The following CEP83 variants were observed in gnomAD, a reference collection of about 807,000 sequenced individuals.
CEP83 encodes centrosomal protein 83, also known as centrosomal protein of 83 kDa.
In CEP83, 70 loss-of-function variants were observed where a neutral mutation model predicts 101.9. That is an observed-to-expected ratio of 0.69 (90% CI 0.57 to 0.84). The LOEUF is 0.84. CEP83 is among the 40% of genes least tolerant of loss of function. CEP83 has a pLI of 0.00. For missense variants in CEP83, 715 were observed against 787.2 expected (o/e 0.91, Z 1.10); for synonymous variants, 264 against 267.9 (o/e 0.99, Z 0.14).
chr12:94,433,161 A>G (rs1486314996), intron 2 of CEP83, among the ~76,000 whole-genome samples: 1 of 152,226 alleles, frequency 6.6e-6, no homozygotes, highest in East Asian at 1.9e-4. Context: ...AATTTATTCC[A>G]TGGTCTTGGA....
chr12:94,445,402 A>G (rs1365544569), intron 1 of CEP83, among the ~76,000 whole-genome samples: 1 of 152,220 alleles, frequency 6.6e-6, no homozygotes, highest in African/African-American at 2.4e-5. Context: ...AATACAGGAG[A>G]AAATCATTTT....
intron 1 of CEP83, among the ~76,000 whole-genome samples, chr12:94,456,994 CTATG>C (rs1217715540): frequency 1.3e-5 from 2 of 151,934 alleles, no homozygotes; most frequent in Non-Finnish European, 2.9e-5. Context: ...CATACTATTC[CTATG>C]TATGTATGTA....
Position 94,312,784 on chromosome 12 carries a change from A to T in CEP83, c.1811+130T>A, listed in dbSNP as rs1970072991. 5 of 1,276,410 alleles carry T rather than the reference A, an allele frequency of 3.9e-6. No homozygotes were observed. The South Asian group carries it at 1.1e-4, about 28-fold the overall frequency. 79.1% of individuals were successfully genotyped at this position (1,276,410 alleles called of 1,614,324 possible). ...GGTAAAAAAAGGATAGTACATTAGG[A>T]GTTATCAAGCTGTTTTAGAAATCTT... On this transcript the variant is annotated intron_variant, in intron 15 of 16. Transcript: ENST00000397809.
At chr12:94,300,809 CA>C in the CEP83 span, 6 of 1,100,648 alleles carry the variant, frequency 5.5e-6, no homozygotes, top group Non-Finnish European at 7.8e-6. Flanking sequence ...TTGTATACTT[CA>C]ATAACAAGGA....
At chr12:94,297,185 T>TG in the CEP83 span, 1 of 1,613,936 alleles carries the variant, frequency 6.2e-7, no homozygotes, top group South Asian at 1.1e-5. Flanking sequence ...TCTCTGGCAT[T>TG]CAGATGTGGA....
the CEP83 span, among the ~76,000 whole-genome samples, chr12:94,287,723 G>T: frequency 6.6e-6 from 1 of 152,222 alleles, no homozygotes; most frequent in East Asian, 1.9e-4. Flanking sequence ...AGTAAGGTCA[G>T]CAATGCTTCT....
At chr12:94,399,264 A>C (rs1411200371) in intron 6 of CEP83, among the ~76,000 whole-genome samples, 1 of 152,166 alleles carries the variant, frequency 6.6e-6, no homozygotes, top group African/African-American at 2.4e-5. Flanking sequence ...CGGCACCCCC[A>C]GGGGCCGAGC....
At chr12:94,272,952 C>T in the CEP83 span, among the ~76,000 whole-genome samples, 2 of 152,150 alleles carry the variant, frequency 1.3e-5, no homozygotes, top group East Asian at 1.9e-4. Context: ...GGGGAACTGC[C>T]CTTGGGAGGC....
intron 14 of CEP83, among the ~76,000 whole-genome samples, chr12:94,318,749 C>T (rs1971121859): frequency 6.6e-6 from 1 of 152,050 alleles, no homozygotes; most frequent in Admixed American, 6.6e-5. Flanking sequence ...ACCTTGCATC[C>T]CAAAGATAAA....
chr12:94,297,158 T>A, the CEP83 span: 1 of 1,612,522 alleles, frequency 6.2e-7, no homozygotes, highest in Non-Finnish European at 8.5e-7. Flanking sequence ...TTTAATGGAC[T>A]GCTTTCTCTC....
chr12:94,457,263 G>A (rs971688951), intron 1 of CEP83, among the ~76,000 whole-genome samples: 2 of 152,138 alleles, frequency 1.3e-5, no homozygotes, highest in Non-Finnish European at 2.9e-5. Flanking sequence ...ATGAACTTGG[G>A]TTAAAAGGAA....
At chr12:94,269,434 C>T in the CEP83 span, among the ~76,000 whole-genome samples, 6 of 152,176 alleles carry the variant, frequency 3.9e-5, no homozygotes, top group African/African-American at 9.7e-5. Flanking sequence ...GGGACAATTA[C>T]GTTTAATAAA....
intron 1 of CEP83, among the ~76,000 whole-genome samples, chr12:94,448,599 T>C (rs2066981526): frequency 6.6e-6 from 1 of 152,152 alleles, no homozygotes; most frequent in Non-Finnish European, 1.5e-5. Context: ...CTGATCACAA[T>C]GGAATTAGTC....
chr12:94,428,415 AATAC>A (rs1434956472), intron 2 of CEP83, among the ~76,000 whole-genome samples: 1 of 152,254 alleles, frequency 6.6e-6, no homozygotes, highest in East Asian at 1.9e-4. Context: ...TATGGCTGCT[AATAC>A]ACAATAAAGA....
chr12:94,335,787 G>A, intron 11 of CEP83, 123 bp from the exon 12 acceptor site: 1 of 663,144 alleles, frequency 1.5e-6, no homozygotes, highest in South Asian at 1.8e-5. Flanking sequence ...ACCAAAGATT[G>A]AGACTTCAAG....
At chr12:94,371,696 TG>T (rs2061316870) in intron 8 of CEP83, among the ~76,000 whole-genome samples, 1 of 152,028 alleles carries the variant, frequency 6.6e-6, no homozygotes, top group South Asian at 2.1e-4. Context: ...ATACTGGAGT[TG>T]GGAGTCAGAC....
the CEP83 span, among the ~76,000 whole-genome samples, chr12:94,292,309 G>A: frequency 8.5e-5 from 13 of 152,206 alleles, no homozygotes; most frequent in East Asian, 1.9e-4. Context: ...TCATTGTCTC[G>A]GAAGGGACAA....
intron 6 of CEP83, among the ~76,000 whole-genome samples, chr12:94,393,798 G>C (rs539084023): frequency 1.1e-3 from 160 of 152,224 alleles, no homozygotes; most frequent in African/African-American, 3.8e-3. Flanking sequence ...AAATCAATGG[G>C]CAAAAATCAC....
chr12:94,384,841 C>T (rs2062044002), intron 6 of CEP83, among the ~76,000 whole-genome samples: 2 of 152,118 alleles, frequency 1.3e-5, no homozygotes, highest in Non-Finnish European at 2.9e-5. Context: ...CTTACCATGG[C>T]TGCTTTGAAA....
Sources: gnomAD v4.1 joint callset for allele counts (sites outside exome capture counted in the v4.1 genomes callset) on GRCh38, gnomAD v4.1.1 for gene constraint, MANE v1.5 for transcripts, NCBI Gene and HGNC (gene_info 2026-07-23, HGNC 2026-07-21) for gene names.